Variants in HSD17B12 observed in about 807,000 individuals in gnomAD.
HSD17B12 encodes very-long-chain 3-oxoacyl-CoA reductase.
A neutral mutation model predicts 39.3 loss-of-function variants in HSD17B12; 32 were observed. The observed-to-expected ratio is 0.81, with a 90% CI of 0.61 to 1.09. HSD17B12 has a LOEUF of 1.09. Ranked by LOEUF, HSD17B12 falls within the 50% of genes least tolerant of loss-of-function variation. The probability of loss-of-function intolerance (pLI) is 0.00; values close to 1 mark genes in which losing one functional copy is unlikely to be tolerated. For missense variants in HSD17B12, 342 were observed against 382.9 expected, an observed-to-expected ratio of 0.89 and a Z score of 0.89; for synonymous variants, 150 against 146.7, an observed-to-expected ratio of 1.02 and a Z score of -0.16.
intron 3 of HSD17B12, among the ~76,000 whole-genome samples, chr11:43,783,295 T>TC (rs1172759240): frequency 6.6e-6 from 1 of 152,154 alleles, no homozygotes; most frequent in Non-Finnish European, 1.5e-5. Context: ...GATGGTTACA[T>TC]CATTTAGGAG....
intron 1 of HSD17B12, among the ~76,000 whole-genome samples, chr11:43,732,071 GT>G (rs1192404821): frequency 1.3e-5 from 2 of 152,074 alleles, no homozygotes; most frequent in African/African-American, 4.8e-5. Context: ...GAGGGACCTG[GT>G]GGGAGGTAAT....
At chr11:43,765,970 C>T (rs950381877) in intron 3 of HSD17B12, among the ~76,000 whole-genome samples, 2 of 151,758 alleles carry the variant, frequency 1.3e-5, no homozygotes, top group African/African-American at 4.8e-5. Flanking sequence ...CCACTACAGG[C>T]GCCCGCCACT....
At chr11:43,616,401 T>A in the HSD17B12 span, among the ~76,000 whole-genome samples, 1 of 82,304 alleles carries the variant, frequency 1.2e-5, no homozygotes, top group Admixed American at 1.7e-4. Flanking sequence ...AGAGTGAGAC[T>A]CCATCTAAAA....
At chr11:43,789,574 A>G (rs1391768388) in intron 3 of HSD17B12, among the ~76,000 whole-genome samples, 1 of 152,190 alleles carries the variant, frequency 6.6e-6, no homozygotes, top group Non-Finnish European at 1.5e-5. Flanking sequence ...TTTGACTAGC[A>G]GTGGTGGTGG....
intron 9 of HSD17B12, among the ~76,000 whole-genome samples, chr11:43,844,660 A>G (rs1040500091): frequency 2.0e-5 from 3 of 152,164 alleles, no homozygotes; most frequent in African/African-American, 7.2e-5. Flanking sequence ...CCTTCTGTCT[A>G]CCCTGTACTG....
chr11:43,702,433 T>C (rs1949973198), intron 1 of HSD17B12, among the ~76,000 whole-genome samples: 1 of 152,214 alleles, frequency 6.6e-6, no homozygotes, highest in Non-Finnish European at 1.5e-5. Flanking sequence ...GTTTTCAGTT[T>C]TTCCCCGTTC....
the HSD17B12 span, among the ~76,000 whole-genome samples, chr11:43,652,981 AT>A: frequency 3.4e-4 from 51 of 151,448 alleles, no homozygotes; most frequent in Middle Eastern, 3.4e-3. Context: ...CTCTGGCAGC[AT>A]TTTTTTTTCT....
At chr11:43,825,153 G>C (rs909500251) in intron 6 of HSD17B12, among the ~76,000 whole-genome samples, 2 of 151,618 alleles carry the variant, frequency 1.3e-5, no homozygotes, top group African/African-American at 2.4e-5. Flanking sequence ...AATTTGGAGT[G>C]GAGGGACACA....
intron 3 of HSD17B12, among the ~76,000 whole-genome samples, chr11:43,767,857 C>T (rs1306983482): frequency 4.6e-5 from 7 of 152,100 alleles, no homozygotes; most frequent in Non-Finnish European, 8.8e-5. Context: ...AAATCTAAGA[C>T]GCAATCATTC....
At chr11:43,603,163 T>C in the HSD17B12 span, among the ~76,000 whole-genome samples, 5 of 152,216 alleles carry the variant, frequency 3.3e-5, no homozygotes, top group Admixed American at 2.6e-4. Context: ...TATTTTCTCC[T>C]GAGACTTTAT....
chr11:43,590,505 G>GTTTTTTTTTTTTTTTTTT, the HSD17B12 span, among the ~76,000 whole-genome samples: 1 of 47,870 alleles, frequency 2.1e-5, no homozygotes, highest in Non-Finnish European at 4.5e-5. Flanking sequence ...TGGAGTGAGT[G>GTTTTTTTTTTTTTTTTTT]ATTTTTTTTT....
chr11:43,709,724 G>T (rs984061945), intron 1 of HSD17B12, among the ~76,000 whole-genome samples: 5 of 152,168 alleles, frequency 3.3e-5, no homozygotes, highest in Non-Finnish European at 7.4e-5. Flanking sequence ...ACATTTTGCT[G>T]CTACTTGTAT....
At chr11:43,611,115 G>C in the HSD17B12 span, among the ~76,000 whole-genome samples, 4 of 152,094 alleles carry the variant, frequency 2.6e-5, no homozygotes, top group Non-Finnish European at 4.4e-5. Flanking sequence ...AATCCAGCCT[G>C]TTTTCTTCCT....
In HSD17B12 at chr11:43,727,203, C is replaced by T. The variant is rs151049545; in HGVS notation, c.161-23708C>T. ...CCCCCTGAAGCTGAATGTGGTCTTGCTGGTGCTGTTAGACTGAGTAGCCCT... is the reference window on the plus strand; with the variant it reads ...CCCCCTGAAGCTGAATGTGGTCTTGTTGGTGCTGTTAGACTGAGTAGCCCT... On this transcript the variant is annotated intron_variant, in intron 1 of 10. Transcript: ENST00000278353. Among the ~76,000 whole-genome samples, 987 of 152,312 alleles carry T rather than the reference C, an allele frequency of 6.5e-3. 7 individuals carry two copies. Among genetic ancestry groups the T allele is most frequent in the African/African-American group, 0.023 (938 of 41,564 alleles).
At chr11:43,702,993 C>T (rs1044801769) in intron 1 of HSD17B12, among the ~76,000 whole-genome samples, 2 of 152,046 alleles carry the variant, frequency 1.3e-5, no homozygotes, top group African/African-American at 4.8e-5. Flanking sequence ...CAGTATTCAT[C>T]AGAGATATTG....
the HSD17B12 span, among the ~76,000 whole-genome samples, chr11:43,656,489 T>C: frequency 3.3e-5 from 5 of 152,148 alleles, no homozygotes; most frequent in Non-Finnish European, 7.4e-5. Context: ...TTAATTGTGA[T>C]GTTAGGGTGT....
At chr11:43,792,153 A>G (rs1308552431) in intron 3 of HSD17B12, among the ~76,000 whole-genome samples, 1 of 152,214 alleles carries the variant, frequency 6.6e-6, no homozygotes, top group East Asian at 1.9e-4. Context: ...GGATGTAAGG[A>G]TACGGTAAGG....
At chr11:43,602,358 A>C in the HSD17B12 span, among the ~76,000 whole-genome samples, 2 of 152,336 alleles carry the variant, frequency 1.3e-5, no homozygotes, top group East Asian at 3.9e-4. Context: ...TTAAAAACAC[A>C]AGAACCTTTT....
the HSD17B12 span, among the ~76,000 whole-genome samples, chr11:43,602,333 T>G: frequency 6.6e-6 from 1 of 151,996 alleles, no homozygotes; most frequent in African/African-American, 2.4e-5. Flanking sequence ...AGCTTGGGAG[T>G]GGGAGGTAAT....
Sources: gnomAD v4.1 joint callset for allele counts (sites outside exome capture counted in the v4.1 genomes callset) on GRCh38, gnomAD v4.1.1 for gene constraint, MANE v1.5 for transcripts, NCBI Gene and HGNC (gene_info 2026-07-23, HGNC 2026-07-21) for gene names.